FAM13B: variants seen among roughly 807,000 people sequenced by gnomAD.
FAM13B encodes the protein family with sequence similarity 13 member B.
A neutral mutation model predicts 117.3 loss-of-function variants in FAM13B; 60 were observed. The observed-to-expected ratio is 0.51, with a 90% CI of 0.42 to 0.63. FAM13B has a LOEUF of 0.63. Among genes scored for constraint, FAM13B ranks in the 30% least tolerant of loss-of-function variants. The pLI is 0.00. For missense variants in FAM13B, 972 were observed against 1,091.9 expected, an observed-to-expected ratio of 0.89 and a Z score of 1.55; for synonymous variants, 332 against 356.1, an observed-to-expected ratio of 0.93 and a Z score of 0.76.
At chr5:137,968,095 G>A (rs1396711128) in intron 10 of FAM13B, among the ~76,000 whole-genome samples, 1 of 151,422 alleles carries the variant, frequency 6.6e-6, no homozygotes, top group Non-Finnish European at 1.5e-5. Context: ...AGTGGCGTGT[G>A]CCTATAATCC....
chr5:137,952,800 C>T, intron 16 of FAM13B, 91 bp from the exon 17 acceptor site: 3 of 728,554 alleles, frequency 4.1e-6, no homozygotes, highest in Non-Finnish European at 6.9e-6. Flanking sequence ...ATTCCCACAG[C>T]AAAGACTGCT....
chr5:138,046,735 CTTCTTTTCTTTTT>C (rs1225490992), intron 1 of FAM13B, among the ~76,000 whole-genome samples: 3 of 151,908 alleles, frequency 2.0e-5, no homozygotes, highest in South Asian at 2.1e-4. Context: ...AAGGGTATTT[CTTCTTTTCTTTTT>C]TTCTTTTCTT....
At chr5:137,961,187 C>G (rs1400645601) in intron 11 of FAM13B, among the ~76,000 whole-genome samples, 1 of 152,136 alleles carries the variant, frequency 6.6e-6, no homozygotes, top group African/African-American at 2.4e-5. Flanking sequence ...ACCTAATCAC[C>G]TACATTTGAG....
intron 13 of FAM13B, among the ~76,000 whole-genome samples, chr5:137,957,540 C>CAAA (rs35104775): frequency 7.2e-5 from 4 of 55,384 alleles, no homozygotes; most frequent in East Asian, 4.6e-4. Context: ...AACTCCGTCT[C>CAAA]AAAAAAAAAA....
chr5:138,015,117 T>G (rs1784946587), intron 4 of FAM13B, among the ~76,000 whole-genome samples: 2 of 152,220 alleles, frequency 1.3e-5, no homozygotes, highest in Admixed American at 1.3e-4. Flanking sequence ...TTGTCATGAC[T>G]TTGGGGAAGA....
intron 4 of FAM13B, among the ~76,000 whole-genome samples, chr5:138,013,019 C>T (rs1262236868): frequency 6.6e-6 from 1 of 151,512 alleles, no homozygotes; most frequent in African/African-American, 2.4e-5. Context: ...GCCTGGGCAA[C>T]ATCACGAAAC....
intron 7 of FAM13B, among the ~76,000 whole-genome samples, chr5:138,002,031 C>G (rs963515624): frequency 6.6e-6 from 1 of 152,012 alleles, no homozygotes; most frequent in East Asian, 1.9e-4. Flanking sequence ...AATAGAGAGA[C>G]ATTAAAGGGA....
At chr5:138,045,344 G>T (rs780500252) in intron 1 of FAM13B, among the ~76,000 whole-genome samples, 1 of 151,778 alleles carries the variant, frequency 6.6e-6, no homozygotes, top group Non-Finnish European at 1.5e-5. Context: ...GACAAGCCTG[G>T]GTAACATGGC....
At position 138,001,650 on chromosome 5, in the gene FAM13B, C is replaced by T. The variant is rs576698309; in HGVS notation, c.848+5340G>A. Among the ~76,000 whole-genome samples, 328 of 152,166 alleles carry T rather than the reference C, an allele frequency of 2.2e-3. 3 individuals are homozygous for T. The highest frequency in any genetic ancestry group is 7.5e-3 in the African/African-American group (310 of 41,504). Reference sequence around the variant, plus strand: ...TTACTTTCTAGTGATGGAAGACAGACAATAACAATAATACATGTATGTTAG... The same window carrying T: ...TTACTTTCTAGTGATGGAAGACAGATAATAACAATAATACATGTATGTTAG... On this transcript the variant is annotated intron_variant, in intron 7 of 23. Coordinates refer to ENST00000689681, the MANE Select transcript of FAM13B (RefSeq NM_001385994.1).
chr5:138,004,314 G>A (rs1158305842), intron 7 of FAM13B, among the ~76,000 whole-genome samples: 1 of 23,876 alleles, frequency 4.2e-5, no homozygotes. Context: ...CAATGACTGT[G>A]TTGGAGCAAA....
At chr5:138,012,023 CCACCCACATCACCTTTT>C in intron 4 of FAM13B, 78 bp from the exon 5 acceptor site, 1 of 933,918 alleles carries the variant, frequency 1.1e-6, no homozygotes, top group Non-Finnish European at 1.6e-6. Context: ...TCACATTACT[CCACCCACATCACCTTTT>C]TAATACAACA....
intron 7 of FAM13B, among the ~76,000 whole-genome samples, chr5:138,006,697 G>A (rs1782654229): frequency 6.6e-6 from 1 of 152,160 alleles, no homozygotes; most frequent in Non-Finnish European, 1.5e-5. Flanking sequence ...CTTCTCTAAC[G>A]ATGCTACTTC....
chr5:137,998,646 C>G (rs934778738), intron 7 of FAM13B, among the ~76,000 whole-genome samples: 1 of 152,168 alleles, frequency 6.6e-6, no homozygotes, highest in Non-Finnish European at 1.5e-5. Context: ...TCTGGAAAAC[C>G]TGTATCCTCC....
intron 14 of FAM13B, 127 bp from the exon 15 acceptor site, chr5:137,954,503 C>CTT (rs1441471316): frequency 1.8e-6 from 1 of 547,732 alleles, no homozygotes; most frequent in Non-Finnish European, 3.2e-6. Context: ...TACATACACA[C>CTT]ATACACACAC....
chr5:137,994,945 T>C (rs1200573956), intron 7 of FAM13B, among the ~76,000 whole-genome samples: 2 of 152,220 alleles, frequency 1.3e-5, no homozygotes, highest in Non-Finnish European at 2.9e-5. Context: ...AAATATTTAA[T>C]GCTACAAACG....
intron 7 of FAM13B, among the ~76,000 whole-genome samples, chr5:137,999,698 G>A (rs1780734429): frequency 6.6e-6 from 1 of 152,112 alleles, no homozygotes; most frequent in African/African-American, 2.4e-5. Context: ...CATACACTAG[G>A]AAACAACAGA....
At chr5:137,953,279 T>C in intron 16 of FAM13B, 57 bp downstream of exon 16, 1 of 1,580,252 alleles carries the variant, frequency 6.3e-7, no homozygotes, top group Non-Finnish European at 8.6e-7. Flanking sequence ...TTTGAAAAAC[T>C]ATCCTCTCAG....
At chr5:137,943,933 G>A (rs955158549) in intron 20 of FAM13B, among the ~76,000 whole-genome samples, 3 of 151,978 alleles carry the variant, frequency 2.0e-5, no homozygotes, top group Non-Finnish European at 4.4e-5. Context: ...GTGGTTTTTA[G>A]TATATTTACC....
intron 6 of FAM13B, among the ~76,000 whole-genome samples, chr5:138,010,512 C>A (rs1011191672): frequency 3.3e-5 from 5 of 152,104 alleles, no homozygotes; most frequent in African/African-American, 1.2e-4. Context: ...TCTAGAGTCA[C>A]CAGAATTTAA....
Sources: allele counts gnomAD v4.1 joint callset (sites outside exome capture counted in the v4.1 genomes callset), GRCh38; gene constraint gnomAD v4.1.1; transcripts MANE v1.5; gene names NCBI Gene and HGNC (gene_info 2026-07-23, HGNC 2026-07-21).